Variants in MAPK8 observed in about 807,000 individuals in gnomAD.
MAPK8 encodes JUN N-terminal kinase.
A neutral mutation model predicts 52.9 loss-of-function variants in MAPK8; 13 were observed. The ratio of observed to expected loss-of-function variants is 0.25; its 90% CI spans 0.16 to 0.39. MAPK8 has a LOEUF of 0.39. Ranked by LOEUF, MAPK8 falls within the 10% of genes least tolerant of loss-of-function variation. The pLI, the probability that MAPK8 is intolerant of heterozygous loss-of-function variation, is 1.00. For missense variants in MAPK8, 300 were observed against 519.2 expected, an observed-to-expected ratio of 0.58 and a Z score of 4.10; for synonymous variants, 191 against 169.8, an observed-to-expected ratio of 1.12 and a Z score of -0.97.
chr10:48,357,801 C>G (rs994899940), intron 1 of MAPK8, among the ~76,000 whole-genome samples: 14 of 152,114 alleles, frequency 9.2e-5, no homozygotes, highest in African/African-American at 2.9e-4. Context: ...CTGTATAGTT[C>G]CAGGACATTT....
At position 48,423,934 on chromosome 10, in the gene MAPK8, T is replaced by A. The variant is rs147851124; in HGVS notation, c.617-154T>A. Among the ~76,000 whole-genome samples the A allele has an allele frequency of 2.1e-3, 316 of 152,314 alleles. 1 individual carries two copies. The highest frequency in any genetic ancestry group is 6.9e-3 in the African/African-American group (289 of 41,586). On this transcript the variant is annotated intron_variant, in intron 6 of 11. Transcript: ENST00000374189. ...GTGAACCAGACTTTCAAAAAATAAT[T>A]TGTGTTTTAAATTATTCCGTTAGCT...
At chr10:48,373,474 A>G (rs2040449028) in intron 1 of MAPK8, among the ~76,000 whole-genome samples, 2 of 149,516 alleles carry the variant, frequency 1.3e-5, no homozygotes, top group African/African-American at 4.9e-5. Flanking sequence ...GTCAAGACCT[A>G]TCAGTGTGCT....
At chr10:48,398,967 A>G (rs2042023452) in intron 1 of MAPK8, among the ~76,000 whole-genome samples, 1 of 152,182 alleles carries the variant, frequency 6.6e-6, no homozygotes. Context: ...GAAACTCATC[A>G]AATTGTACAG....
chr10:48,334,004 G>A (rs1273457772), intron 1 of MAPK8, among the ~76,000 whole-genome samples: 1 of 152,166 alleles, frequency 6.6e-6, no homozygotes, highest in African/African-American at 2.4e-5. Context: ...CCGCTGAGCT[G>A]GCCCCACTTG....
At chr10:48,373,965 G>A (rs907698077) in intron 1 of MAPK8, among the ~76,000 whole-genome samples, 6 of 151,934 alleles carry the variant, frequency 3.9e-5, no homozygotes, top group Admixed American at 6.6e-5. Context: ...GCACCACATC[G>A]CACTTATACT....
intron 1 of MAPK8, among the ~76,000 whole-genome samples, chr10:48,332,425 C>G (rs558759814): frequency 2.0e-5 from 3 of 152,326 alleles, no homozygotes; most frequent in East Asian, 3.9e-4. Context: ...TCCCCAATGA[C>G]TCCTTTTGTG....
At chr10:48,312,154 A>T (rs60449431) in intron 1 of MAPK8, among the ~76,000 whole-genome samples, 14,519 of 152,270 alleles carry the variant, frequency 0.095, 729 homozygotes, top group Non-Finnish European at 0.11. Flanking sequence ...AGAAAGCAAG[A>T]TATCTTCTTT....
At chr10:48,360,780 T>C (rs1196286218) in intron 1 of MAPK8, among the ~76,000 whole-genome samples, 1 of 152,158 alleles carries the variant, frequency 6.6e-6, no homozygotes, top group East Asian at 1.9e-4. Context: ...CTGGGATAAA[T>C]ACTTAGATTG....
chr10:48,426,933 T>C (rs892709312), intron 9 of MAPK8, 147 bp from the exon 10 acceptor site: 3 of 589,634 alleles, frequency 5.1e-6, no homozygotes, highest in South Asian at 4.5e-5. Flanking sequence ...TAAACTATTA[T>C]GTCTGTATAA....
chr10:48,366,812 A>G (rs1351308298), intron 1 of MAPK8, among the ~76,000 whole-genome samples: 1 of 152,082 alleles, frequency 6.6e-6, no homozygotes, highest in East Asian at 1.9e-4. Flanking sequence ...CCTGTTAACA[A>G]CTGACTAGTC....
At chr10:48,399,376 G>C (rs1006080761) in intron 1 of MAPK8, among the ~76,000 whole-genome samples, 2 of 152,200 alleles carry the variant, frequency 1.3e-5, no homozygotes, top group African/African-American at 4.8e-5. Context: ...AGTGGCAGCT[G>C]TGGCTTCTGC....
chr10:48,404,470 T>C (rs1315205391), intron 2 of MAPK8, among the ~76,000 whole-genome samples: 1 of 152,212 alleles, frequency 6.6e-6, no homozygotes, highest in Non-Finnish European at 1.5e-5. Flanking sequence ...ATGCATTCTT[T>C]ATCCTACCTT....
At chr10:48,400,437 T>C (rs1370889719) in intron 1 of MAPK8, among the ~76,000 whole-genome samples, 1 of 152,246 alleles carries the variant, frequency 6.6e-6, no homozygotes, top group Non-Finnish European at 1.5e-5. Flanking sequence ...CTCTTTCATC[T>C]GAGTCATTAT....
intron 5 of MAPK8, 107 bp from the exon 6 acceptor site, chr10:48,420,048 C>T (rs1010713753): frequency 4.2e-5 from 34 of 816,886 alleles, no homozygotes; most frequent in Middle Eastern, 3.7e-4. Flanking sequence ...GTGAGAAAAA[C>T]GAACAATTAA....
At chr10:48,331,387 A>T (rs1844131828) in intron 1 of MAPK8, among the ~76,000 whole-genome samples, 1 of 152,164 alleles carries the variant, frequency 6.6e-6, no homozygotes, top group African/African-American at 2.4e-5. Context: ...AGCCCATCCC[A>T]GCCATATTAA....
intron 1 of MAPK8, among the ~76,000 whole-genome samples, chr10:48,361,401 T>C (rs1002597643): frequency 6.6e-6 from 1 of 152,186 alleles, no homozygotes; most frequent in Non-Finnish European, 1.5e-5. Flanking sequence ...TCAGCTGTTT[T>C]CCACTTCCCT....
rs73308000 is a variant in MAPK8 at position 48,399,721 on chromosome 10, C to T, written c.-49-1891C>T. ...TACCTGCTTTGGTAACAATATATCA[C>T]CTCCTGTGAAGCACCAGAGTACCCC... On this transcript the variant is annotated intron_variant, in intron 1 of 11. Coordinates refer to ENST00000374189, the MANE Select transcript of MAPK8 (RefSeq NM_001323329.2). 3.5e-3 allele frequency among the ~76,000 whole-genome samples: 531 copies of T among 152,306 alleles called. 5 individuals are homozygous for T. The highest frequency in any genetic ancestry group is 0.012 in the African/African-American group (518 of 41,550).
In MAPK8 at chr10:48,348,591, A is replaced by G. The variant is rs183691846; in HGVS notation, c.-50+41770A>G. 4.9e-3 allele frequency among the ~76,000 whole-genome samples: 749 copies of G among 152,282 alleles called. 8 individuals carry two copies. The highest frequency in any genetic ancestry group is 0.017 in the African/African-American group (697 of 41,548). On this transcript the variant is annotated intron_variant, in intron 1 of 11. Coordinates refer to ENST00000374189, the MANE Select transcript of MAPK8 (RefSeq NM_001323329.2). Reference sequence around the variant, plus strand: ...AGGTGTAAGGAAGGGGTCCAGTTTCAGTTTTCTGCATATGACTAGCCAGTT... The same window carrying G: ...AGGTGTAAGGAAGGGGTCCAGTTTCGGTTTTCTGCATATGACTAGCCAGTT...
chr10:48,344,260 AT>A (rs1845561736), intron 1 of MAPK8, among the ~76,000 whole-genome samples: 2 of 152,154 alleles, frequency 1.3e-5, no homozygotes, highest in African/African-American at 4.8e-5. Flanking sequence ...AGGGTAACAG[AT>A]TTGCTTTTTC....
Sources: gnomAD v4.1 joint callset for allele counts (sites outside exome capture counted in the v4.1 genomes callset) on GRCh38, gnomAD v4.1.1 for gene constraint, MANE v1.5 for transcripts, NCBI Gene and HGNC (gene_info 2026-07-23, HGNC 2026-07-21) for gene names.